Variants in NSG2 observed in about 807,000 individuals in gnomAD.
The protein encoded by NSG2 is neuronal vesicle trafficking associated 2.
Under a neutral mutation model 16.9 loss-of-function variants are expected in NSG2, and 4 were observed. That is an observed-to-expected ratio of 0.24 (90% confidence interval 0.12 to 0.54). The LOEUF (loss-of-function observed/expected upper bound fraction) is 0.54, where lower values mean the gene tolerates loss of function less well. Among genes scored for constraint, NSG2 ranks in the 20% least tolerant of loss-of-function variants. The probability of loss-of-function intolerance (pLI) is 0.95; values close to 1 mark genes in which losing one functional copy is unlikely to be tolerated. For synonymous variants in NSG2, 98 were observed against 88.7 expected, an observed-to-expected ratio of 1.11 and a Z score of -0.59; for missense variants, 179 against 221.1, an observed-to-expected ratio of 0.81 and a Z score of 1.21.
intron 2 of NSG2, among the ~76,000 whole-genome samples, chr5:174,048,410 A>G (rs1181030934): frequency 6.6e-6 from 1 of 152,192 alleles, no homozygotes; most frequent in African/African-American, 2.4e-5. Context: ...TTAGGTGTGC[A>G]TTAACCTGGG....
intron 3 of NSG2, chr5:174,066,279 G>A (rs1464234894): frequency 2.2e-6 from 1 of 456,128 alleles, no homozygotes; most frequent in Admixed American, 2.3e-5. Flanking sequence ...GGAATAAGCA[G>A]GTACCTGCAT....
Position 174,104,182 on chromosome 5 carries a change from A to G in NSG2, c.214-46A>G, listed in dbSNP as rs777949602. The G allele has an allele frequency of 1.0e-5, 14 of 1,375,718 alleles. No individual in the cohort carries two copies. In the African/African-American group the frequency reaches 2.0e-4, roughly 20 times the overall value. The allele number at this position is 1,375,718 out of a possible 1,614,324, so 85.2% of individuals were successfully genotyped here. A position where few individuals can be genotyped will look rare whatever the true frequency, so the allele number is the denominator to read the frequency against. On this transcript the variant is annotated intron_variant, in intron 3 of 4. Coordinates refer to ENST00000303177, the MANE Select transcript of NSG2 (RefSeq NM_015980.5). ...TCTGAAAGCTGCATACGGGGACTGA[A>G]GGTGGGCAGACTGAGGCTGGATGAC... is the stretch of plus-strand genomic sequence containing the variant.
intron 3 of NSG2, chr5:174,081,520 A>G (rs1760465122): frequency 6.6e-6 from 1 of 152,128 alleles, no homozygotes; most frequent in Admixed American, 6.5e-5. Flanking sequence ...CTAATACATT[A>G]CTGTATTTAA....
At chr5:174,094,959 T>C (rs548301580) in intron 3 of NSG2, among the ~76,000 whole-genome samples, 1 of 152,304 alleles carries the variant, frequency 6.6e-6, no homozygotes, top group East Asian at 1.9e-4. Context: ...CAATGAACAA[T>C]TGTGATCCAG....
chr5:174,091,891 C>T (rs957875208), intron 3 of NSG2, among the ~76,000 whole-genome samples: 2 of 152,126 alleles, frequency 1.3e-5, no homozygotes, highest in Non-Finnish European at 2.9e-5. Flanking sequence ...CATCTGAAAA[C>T]CAGGAATATC....
intron 3 of NSG2, among the ~76,000 whole-genome samples, chr5:174,086,096 G>A (rs931062108): frequency 6.6e-6 from 1 of 152,020 alleles, no homozygotes; most frequent in East Asian, 1.9e-4. Context: ...CCCCTGCCCT[G>A]CCCTGTCAAG....
chr5:174,107,945 G>A lies in NSG2; in HGVS notation c.*440G>A. The stretch of plus-strand genomic sequence containing the variant: ...TAGATAAGAAAACGTAGCTTCAGTG[G>A]GGGCTCCAGGGTTGCAGAGTATGAG... On this transcript the variant is annotated 3_prime_UTR_variant, in exon 5 of 5. Coordinates refer to ENST00000303177, the MANE Select transcript of NSG2 (RefSeq NM_015980.5). This position sits in a 1 kb window ranked among gnomAD's most constrained non-coding sequence, Gnocchi z 4.5. 1 of 366,062 alleles carries A rather than the reference G, an allele frequency of 2.7e-6. No individual in the cohort carries two copies. The highest frequency in any genetic ancestry group is 5.3e-6 in the Non-Finnish European group (1 of 188,294). The allele number at this position is 366,062 out of a possible 1,614,324, so 22.7% of individuals were successfully genotyped here. A position where few individuals can be genotyped will look rare whatever the true frequency, so the allele number is the denominator to read the frequency against.
At chr5:174,074,247 T>C (rs1760296517) in intron 3 of NSG2, among the ~76,000 whole-genome samples, 1 of 152,230 alleles carries the variant, frequency 6.6e-6, no homozygotes, top group African/African-American at 2.4e-5. Flanking sequence ...GGCTCCATCA[T>C]AGACCTAGTG....
At chr5:174,092,064 C>A (rs1340729724) in intron 3 of NSG2, among the ~76,000 whole-genome samples, 1 of 152,202 alleles carries the variant, frequency 6.6e-6, no homozygotes, top group Non-Finnish European at 1.5e-5. Context: ...AGTCTCCAGG[C>A]TACTTGCATT....
chr5:174,076,046 C>G (rs747665113), intron 3 of NSG2, among the ~76,000 whole-genome samples: 8 of 152,220 alleles, frequency 5.3e-5, no homozygotes, highest in Non-Finnish European at 1.2e-4. Flanking sequence ...TGCAATCTGA[C>G]AGACCTGGTT....
intron 3 of NSG2, among the ~76,000 whole-genome samples, chr5:174,093,786 AGG>A (rs1760755637): frequency 6.6e-6 from 1 of 152,150 alleles, no homozygotes; most frequent in Admixed American, 6.5e-5. Context: ...TGAAGTTTCC[AGG>A]GTTTGCATTC....
Position 174,046,843 on chromosome 5 carries a change from C to T in NSG2, c.88C>T (p.Pro30Ser). 1 of 1,614,144 alleles carries T rather than the reference C, an allele frequency of 6.2e-7. No homozygotes were observed. Among genetic ancestry groups the T allele is most frequent in the African/African-American group, 1.3e-5 (1 of 74,998 alleles). Reference sequence around the variant, plus strand: ...CTTCCAGACCGTCCCTCTCATCACTCCCTTGGAGGTTAATCACTTACAGCT... The same window carrying T: ...CTTCCAGACCGTCCCTCTCATCACTTCCTTGGAGGTTAATCACTTACAGCT... ...DGFQTVPLIT[P>S]LEVNHLQLPA... Residue 30 changes from proline (P) to serine (S), a missense_variant, in exon 2 of 5, where the codon CCC becomes TCC. Transcript: ENST00000303177.
rs149302681 is a variant in NSG2 at position 174,104,120 on chromosome 5, C to T, written c.214-108C>T. 1.3e-3 allele frequency: 988 copies of T among 753,602 alleles called. 9 individuals are homozygous for T. In the African/African-American group the frequency reaches 0.014, roughly 11 times the overall value. 46.7% of individuals were successfully genotyped at this position (753,602 alleles called of 1,614,324 possible). ...AGAGCCAGTTCCTTGGGCCTGTCCCCCTTTCTAGCACACCATGCTGCCTGC... is the reference window on the plus strand; with the variant it reads ...AGAGCCAGTTCCTTGGGCCTGTCCCTCTTTCTAGCACACCATGCTGCCTGC... On this transcript the variant is annotated intron_variant, in intron 3 of 4. Transcript: ENST00000303177.
At chr5:174,105,164 G>A (rs1392203909) in intron 4 of NSG2, among the ~76,000 whole-genome samples, 1 of 152,188 alleles carries the variant, frequency 6.6e-6, no homozygotes, top group Non-Finnish European at 1.5e-5. Flanking sequence ...TTTCACATAT[G>A]AGGAATTAAA....
intron 2 of NSG2, among the ~76,000 whole-genome samples, chr5:174,050,911 G>A (rs980786739): frequency 1.8e-4 from 28 of 152,018 alleles, no homozygotes; most frequent in African/African-American, 6.8e-4. Context: ...CCAGGGCTGT[G>A]CCTTGGTCCT....
chr5:174,076,086 G>A (rs1351429039), intron 3 of NSG2, among the ~76,000 whole-genome samples: 1 of 152,190 alleles, frequency 6.6e-6, no homozygotes, highest in Non-Finnish European at 1.5e-5. Context: ...TCACTGGACT[G>A]TGTGACCTTG....
intron 3 of NSG2, 150 bp from the exon 4 acceptor site, chr5:174,104,078 A>G (rs78762836): frequency 0.012 from 7,179 of 608,204 alleles, 113 homozygotes; most frequent in East Asian, 0.059. Flanking sequence ...ACTGCAAGTT[A>G]GTAACAAAGC....
At position 174,107,442 on chromosome 5, in the gene NSG2, G is replaced by A. The variant is rs747667860; in HGVS notation, c.453G>A (p.Gly151=). Residue 151 remains glycine, a synonymous_variant, in exon 5 of 5, where the codon GGG becomes GGA. Transcript: ENST00000303177. The surrounding 1 kb of genome is among the most constrained non-coding windows in gnomAD (Gnocchi z 4.5). ...AGCAGAGCACTGCCCGGGCCATCGG[G>A]CCGTGGCTGTCAGCAGCCGCTGTCA... ...VAKQSTARAI[G]PWLSAAAVIH... is the part of the protein sequence containing the mutation. The A allele has an allele frequency of 6.2e-7, 1 of 1,612,492 alleles. No individual in the cohort carries two copies. The highest frequency in any genetic ancestry group is 8.5e-7 in the Non-Finnish European group (1 of 1,178,904).
chr5:174,074,766 C>T (rs976836489), intron 3 of NSG2, among the ~76,000 whole-genome samples: 4 of 152,016 alleles, frequency 2.6e-5, no homozygotes, highest in Non-Finnish European at 4.4e-5. Flanking sequence ...TTTCATACTT[C>T]CAGCATTGCC....
Sources: gnomAD v4.1 joint callset for allele counts (sites outside exome capture counted in the v4.1 genomes callset) on GRCh38, gnomAD v4.1.1 for gene constraint, Gnocchi (gnomAD v3.1) non-coding constraint, MANE v1.5 for transcripts, NCBI Gene and HGNC (gene_info 2026-07-23, HGNC 2026-07-21) for gene names.